The following PTPRN2 variants were observed in gnomAD, a reference collection of about 807,000 sequenced individuals.
The protein encoded by PTPRN2 is protein tyrosine phosphatase receptor type N2.
A neutral mutation model predicts 118.8 loss-of-function variants in PTPRN2; 74 were observed. The ratio of observed to expected loss-of-function variants is 0.62; its 90% CI spans 0.52 to 0.76. The LOEUF is 0.76. PTPRN2 is among the 30% of genes least tolerant of loss of function. PTPRN2 has a pLI of 0.00. For synonymous variants in PTPRN2, 641 were observed against 608.0 expected (o/e 1.05, Z -0.80); for missense variants, 1,481 against 1,394.4 (o/e 1.06, Z -0.99).
chr7:158,295,524 T>C (rs112607116), intron 3 of PTPRN2, among the ~76,000 whole-genome samples: 2 of 34,886 alleles, frequency 5.7e-5, no homozygotes, highest in African/African-American at 1.2e-4. Context: ...TCCATGCGCG[T>C]GGTTCACCCA....
At chr7:158,323,522 T>C (rs991943464) in intron 2 of PTPRN2, among the ~76,000 whole-genome samples, 1 of 152,138 alleles carries the variant, frequency 6.6e-6, no homozygotes, top group African/African-American at 2.4e-5. Context: ...GAGCAAAAGG[T>C]TTGCTTAGAG....
At chr7:158,412,116 C>T (rs1563261137) in intron 2 of PTPRN2, among the ~76,000 whole-genome samples, 1 of 137,522 alleles carries the variant, frequency 7.3e-6, no homozygotes, top group Non-Finnish European at 1.6e-5. Context: ...CCCTCCTCAA[C>T]ACCAGGGCCC....
intron 3 of PTPRN2, among the ~76,000 whole-genome samples, chr7:158,302,471 C>T (rs1303695256): frequency 6.6e-6 from 1 of 152,258 alleles, no homozygotes; most frequent in East Asian, 1.9e-4. Flanking sequence ...AGCTCACCTT[C>T]TCCCTCTGCC....
chr7:157,604,220 C>A, intron 15 of PTPRN2, 145 bp from the exon 16 acceptor site: 1 of 724,870 alleles, frequency 1.4e-6, no homozygotes, highest in East Asian at 2.7e-5. Context: ...GTGGGACTCC[C>A]AAACAGCCTC....
At chr7:157,649,528 ACT>A (rs1455754155) in intron 14 of PTPRN2, among the ~76,000 whole-genome samples, 58 of 133,320 alleles carry the variant, frequency 4.4e-4, no homozygotes, top group African/African-American at 1.5e-3. Flanking sequence ...GGACCCATTC[ACT>A]GTGCACTGAA....
At chr7:158,428,926 G>A (rs1328968329) in intron 2 of PTPRN2, among the ~76,000 whole-genome samples, 3 of 152,300 alleles carry the variant, frequency 2.0e-5, no homozygotes, top group East Asian at 1.9e-4. Flanking sequence ...CCCTGGTGCC[G>A]GGACAGCCTT....
At chr7:158,200,593 T>C (rs1826565590) in intron 4 of PTPRN2, among the ~76,000 whole-genome samples, 1 of 152,232 alleles carries the variant, frequency 6.6e-6, no homozygotes, top group Non-Finnish European at 1.5e-5. Flanking sequence ...GTCTGTATCC[T>C]GCAAATAGTT....
chr7:158,532,121 T>C (rs925809540), intron 1 of PTPRN2, among the ~76,000 whole-genome samples: 1 of 152,232 alleles, frequency 6.6e-6, no homozygotes, highest in Non-Finnish European at 1.5e-5. Flanking sequence ...ACTTTAATCC[T>C]GCATTAACAG....
intron 6 of PTPRN2, among the ~76,000 whole-genome samples, chr7:158,146,715 T>G (rs1281461857): frequency 2.1e-5 from 3 of 139,716 alleles, no homozygotes; most frequent in African/African-American, 8.2e-5. Context: ...AGCGAGACTC[T>G]GCCTCAAAAA....
chr7:158,383,140 C>T (rs574282136), intron 2 of PTPRN2, among the ~76,000 whole-genome samples: 3 of 152,066 alleles, frequency 2.0e-5, no homozygotes, highest in Non-Finnish European at 4.4e-5. Context: ...CCCTGAAGAC[C>T]CACCTCCTGA....
chr7:157,960,093 A>G (rs1251912428), intron 11 of PTPRN2, among the ~76,000 whole-genome samples: 1 of 149,270 alleles, frequency 6.7e-6, no homozygotes, highest in Admixed American at 6.7e-5. Flanking sequence ...GAGGACAAAT[A>G]TTATGATCCC....
chr7:158,126,618 C>G (rs545725849), intron 9 of PTPRN2, among the ~76,000 whole-genome samples: 1 of 96,654 alleles, frequency 1.0e-5, no homozygotes, highest in Non-Finnish European at 2.0e-5. Flanking sequence ...GCCACACCAG[C>G]CCCCGGAGAG....
chr7:158,484,778 T>C (rs1820883269), intron 2 of PTPRN2, among the ~76,000 whole-genome samples: 1 of 152,190 alleles, frequency 6.6e-6, no homozygotes, highest in Non-Finnish European at 1.5e-5. Context: ...GCTTCCTGCC[T>C]CCCTTTCCAC....
intron 2 of PTPRN2, among the ~76,000 whole-genome samples, chr7:158,484,512 G>A (rs4909233): frequency 0.22 from 32,888 of 151,984 alleles, 3,825 homozygotes; most frequent in South Asian, 0.34. Context: ...ACAGGCACGC[G>A]CCACCACGCC....
rs1052300330 is a variant in PTPRN2, at chr7:158,525,506, A to G, written c.113-35721T>C. Among the ~76,000 whole-genome samples, 3 of 152,166 alleles carry G rather than the reference A, an allele frequency of 2.0e-5. No homozygotes were observed. Among genetic ancestry groups the G allele is most frequent in the Admixed American group, 2.0e-4 (3 of 15,278 alleles). Reference sequence around the variant, plus strand: ...CTACAGCTGGACACAGGCTCTGCAGAAATCCTGAGCTGGGGCCACCCCAGC... The same window carrying G: ...CTACAGCTGGACACAGGCTCTGCAGGAATCCTGAGCTGGGGCCACCCCAGC... On this transcript the variant is annotated intron_variant, in intron 1 of 22. Transcript: ENST00000389418. The surrounding 1 kb of genome is among the most constrained non-coding windows in gnomAD (Gnocchi z 4.1).
At chr7:158,159,830 A>G (rs958739103) in intron 6 of PTPRN2, among the ~76,000 whole-genome samples, 3 of 152,266 alleles carry the variant, frequency 2.0e-5, no homozygotes, top group Non-Finnish European at 4.4e-5. Flanking sequence ...AAGTAAAGAA[A>G]TGGAGAAGCA....
At chr7:157,848,886 G>T (rs1034152782) in intron 12 of PTPRN2, among the ~76,000 whole-genome samples, 4 of 152,226 alleles carry the variant, frequency 2.6e-5, no homozygotes, top group African/African-American at 9.6e-5. Context: ...TGTGCACCAC[G>T]GTGTGCCCTG....
intron 2 of PTPRN2, among the ~76,000 whole-genome samples, chr7:158,482,880 C>T (rs1433347439): frequency 2.0e-5 from 3 of 152,174 alleles, no homozygotes; most frequent in Non-Finnish European, 4.4e-5. Flanking sequence ...GGGTGGCCCT[C>T]GAGAAAACGG....
At position 157,905,694 on chromosome 7, in the gene PTPRN2, G is replaced by C. The variant is rs985112023; in HGVS notation, c.1724-6957C>G. ...AATTTTGCCTACTCTCTTTATCCTC[G>C]TTATTTTAACCTGAAAGAATGTGCA... On this transcript the variant is annotated intron_variant, in intron 11 of 22. Transcript: ENST00000389418. 3.9e-5 allele frequency among the ~76,000 whole-genome samples: 6 copies of C among 152,246 alleles called. No homozygotes were observed. In the South Asian group the frequency reaches 6.2e-4, roughly 16 times the overall value.
Sources: gnomAD v4.1 joint callset for allele counts (sites outside exome capture counted in the v4.1 genomes callset) on GRCh38, gnomAD v4.1.1 for gene constraint, Gnocchi (gnomAD v3.1) non-coding constraint, MANE v1.5 for transcripts, NCBI Gene and HGNC (gene_info 2026-07-23, HGNC 2026-07-21) for gene names.